Variants in DYNC1I1 observed in about 807,000 individuals in gnomAD.
DYNC1I1 encodes the protein cytoplasmic dynein 1 intermediate chain 1.
Under a neutral mutation model 86.6 loss-of-function variants are expected in DYNC1I1, and 43 were observed. The ratio of observed to expected loss-of-function variants is 0.50; its 90% CI spans 0.39 to 0.64. The LOEUF is 0.64. Ranked by LOEUF, DYNC1I1 falls within the 30% of genes least tolerant of loss-of-function variation. DYNC1I1 has a pLI of 0.00. For synonymous variants in DYNC1I1, 262 were observed against 283.7 expected, an observed-to-expected ratio of 0.92 and a Z score of 0.77; for missense variants, 604 against 788.8, an observed-to-expected ratio of 0.77 and a Z score of 2.81.
At chr7:95,924,483 T>C (rs1332501238) in intron 6 of DYNC1I1, among the ~76,000 whole-genome samples, 1 of 152,202 alleles carries the variant, frequency 6.6e-6, no homozygotes, top group African/African-American at 2.4e-5. Flanking sequence ...CTTTCATCTT[T>C]TCTTTTTGCT....
intron 14 of DYNC1I1, among the ~76,000 whole-genome samples, chr7:96,044,023 C>T (rs1421316154): frequency 6.6e-6 from 1 of 152,066 alleles, no homozygotes; most frequent in Non-Finnish European, 1.5e-5. Context: ...TTGTTATGAT[C>T]ACTTTAAATG....
intron 6 of DYNC1I1, among the ~76,000 whole-genome samples, chr7:95,895,305 T>C (rs1331014337): frequency 6.6e-6 from 1 of 152,214 alleles, no homozygotes; most frequent in Non-Finnish European, 1.5e-5. Context: ...TATTTTCAAT[T>C]TTCACTCAGC....
chr7:96,072,833 C>A (rs946346368), intron 14 of DYNC1I1, among the ~76,000 whole-genome samples: 8 of 152,040 alleles, frequency 5.3e-5, no homozygotes, highest in Admixed American at 3.9e-4. Context: ...TTTACCAGTT[C>A]TAATACTTTA....
chr7:96,034,575 T>G (rs1438428652), intron 12 of DYNC1I1, among the ~76,000 whole-genome samples: 2 of 152,184 alleles, frequency 1.3e-5, no homozygotes, highest in Non-Finnish European at 2.9e-5. Flanking sequence ...GGACTTTTCC[T>G]TCCTTGCTGC....
intron 12 of DYNC1I1, among the ~76,000 whole-genome samples, chr7:96,033,894 A>G (rs992220199): frequency 3.3e-5 from 5 of 152,044 alleles, no homozygotes; most frequent in African/African-American, 1.2e-4. Flanking sequence ...TCTGTAGTCC[A>G]TGTTCCTTGG....
rs319330 is a variant in DYNC1I1 at position 95,916,728 on chromosome 7, C to G, written c.490+46730C>G. ...CTTAAACCCAGTTTTGCCGCTTTGT[C>G]CTGTCTTGGATTCCGCACGCTGCAC... On this transcript the variant is annotated intron_variant, in intron 6 of 16. Transcript: ENST00000447467. 8.0e-3 allele frequency among the ~76,000 whole-genome samples: 1,214 copies of G among 152,218 alleles called. 22 individuals carry two copies. Among genetic ancestry groups the G allele is most frequent in the African/African-American group, 0.027 (1,101 of 41,520 alleles).
intron 1 of DYNC1I1, among the ~76,000 whole-genome samples, chr7:95,802,502 C>T (rs1169429806): frequency 6.6e-6 from 1 of 152,176 alleles, no homozygotes; most frequent in Non-Finnish European, 1.5e-5. Context: ...CAAGAATAGG[C>T]TTAAGCAAAT....
intron 7 of DYNC1I1, among the ~76,000 whole-genome samples, chr7:95,980,536 CTTTTTTTTTTT>C (rs56835338): frequency 2.4e-4 from 13 of 54,440 alleles, no homozygotes; most frequent in Admixed American, 4.1e-4. Flanking sequence ...AGAAATCTGG[CTTTTTTTTTTT>C]TTTTTTTTTT....
At chr7:95,998,257 C>T (rs1222635503) in intron 10 of DYNC1I1, among the ~76,000 whole-genome samples, 3 of 152,246 alleles carry the variant, frequency 2.0e-5, no homozygotes, top group Non-Finnish European at 2.9e-5. Context: ...TATTCTATCG[C>T]ATACATCGTG....
At chr7:96,064,241 T>TCC (rs1482235738) in intron 14 of DYNC1I1, among the ~76,000 whole-genome samples, 1 of 147,686 alleles carries the variant, frequency 6.8e-6, no homozygotes, top group African/African-American at 2.6e-5. Context: ...TCTCTCTCTC[T>TCC]CTCTCTCCCT....
At chr7:95,914,062 C>T (rs1037723075) in intron 6 of DYNC1I1, among the ~76,000 whole-genome samples, 1 of 152,212 alleles carries the variant, frequency 6.6e-6, no homozygotes, top group Non-Finnish European at 1.5e-5. Flanking sequence ...TACATTCACC[C>T]AGGCAGGGAC....
intron 6 of DYNC1I1, among the ~76,000 whole-genome samples, chr7:95,956,534 GC>G (rs1792718866): frequency 6.6e-6 from 1 of 151,298 alleles, no homozygotes; most frequent in African/African-American, 2.4e-5. Context: ...CCCTCCTCTT[GC>G]CCCCCACCCC....
At chr7:95,993,789 T>G (rs533853968) in intron 9 of DYNC1I1, among the ~76,000 whole-genome samples, 2 of 152,310 alleles carry the variant, frequency 1.3e-5, no homozygotes, top group East Asian at 3.9e-4. Flanking sequence ...AAAAAAGATC[T>G]GTGTTCAAAT....
At chr7:95,857,487 G>A (rs1216978262) in intron 5 of DYNC1I1, among the ~76,000 whole-genome samples, 1 of 152,028 alleles carries the variant, frequency 6.6e-6, no homozygotes, top group African/African-American at 2.4e-5. Flanking sequence ...AGAGGAGCTG[G>A]GTCATGCATG....
At chr7:96,088,700 C>G (rs1790753770) in intron 16 of DYNC1I1, among the ~76,000 whole-genome samples, 2 of 152,080 alleles carry the variant, frequency 1.3e-5, no homozygotes, top group African/African-American at 4.8e-5. Context: ...TGTATGTGTG[C>G]TACTGTTGGC....
At chr7:96,104,470 T>C (rs2116349554) in intron 16 of DYNC1I1, among the ~76,000 whole-genome samples, 1 of 152,298 alleles carries the variant, frequency 6.6e-6, no homozygotes, top group South Asian at 2.1e-4. Context: ...TATTGTCTTA[T>C]GTTTTCTTTT....
At chr7:95,979,254 C>G (rs1486944496) in intron 7 of DYNC1I1, among the ~76,000 whole-genome samples, 1 of 152,162 alleles carries the variant, frequency 6.6e-6, no homozygotes, top group Non-Finnish European at 1.5e-5. Context: ...TGGAGCCACA[C>G]TACCTGGGAT....
At chr7:95,837,992 C>G (rs1041475970) in intron 5 of DYNC1I1, among the ~76,000 whole-genome samples, 1 of 152,212 alleles carries the variant, frequency 6.6e-6, no homozygotes, top group Non-Finnish European at 1.5e-5. Flanking sequence ...TTGGCTCCTC[C>G]TGGTCCTGGT....
intron 6 of DYNC1I1, among the ~76,000 whole-genome samples, chr7:95,871,636 TG>T (rs755239954): frequency 6.6e-6 from 1 of 152,090 alleles, no homozygotes; most frequent in Non-Finnish European, 1.5e-5. Flanking sequence ...CTTAAGATAT[TG>T]GAAGTGGTAA....
Sources: gnomAD v4.1 joint callset for allele counts (sites outside exome capture counted in the v4.1 genomes callset) on GRCh38, gnomAD v4.1.1 for gene constraint, MANE v1.5 for transcripts, NCBI Gene and HGNC (gene_info 2026-07-23, HGNC 2026-07-21) for gene names.